Variants in CIZ1 observed in about 807,000 individuals in gnomAD.
CIZ1 encodes the protein CDKN1A interacting zinc finger protein 1, also known as cip1-interacting zinc finger protein.
Under a neutral mutation model 118.6 loss-of-function variants are expected in CIZ1, and 58 were observed. The observed-to-expected ratio is 0.49, with a 90% confidence interval of 0.40 to 0.61. CIZ1 has a LOEUF of 0.61. Among genes scored for constraint, CIZ1 ranks in the 20% least tolerant of loss-of-function variants. The probability of loss-of-function intolerance (pLI) is 0.00; values close to 1 mark genes in which losing one functional copy is unlikely to be tolerated. For missense variants in CIZ1, 921 were observed against 1,115.9 expected (o/e 0.83, Z 2.49); for synonymous variants, 448 against 443.4 (o/e 1.01, Z -0.13).
intron 4 of CIZ1, among the ~76,000 whole-genome samples, chr9:128,186,825 C>G (rs909705707): frequency 6.6e-6 from 1 of 152,176 alleles, no homozygotes; most frequent in Non-Finnish European, 1.5e-5. Flanking sequence ...TGACACCCTT[C>G]AGACCTCCCT....
chr9:128,203,055 T>G lies in CIZ1; in HGVS notation c.-6+1131A>C, dbSNP rs1443790587. 1 of 152,186 alleles carries G rather than the reference T, an allele frequency of 6.6e-6. No individual in the cohort carries two copies. The highest frequency in any genetic ancestry group is 2.4e-5 in the African/African-American group (1 of 41,440). The allele number at this position is 152,186 out of a possible 1,614,324, so 9.4% of individuals were successfully genotyped here. ...TCTGACCTCTGAGGTCAGGAGGCTG[T>G]GACCTCAGAGGAAGCCCATCTGCTC... On this transcript the variant is annotated intron_variant, in intron 1 of 17. Transcript: ENST00000372948. This position sits in a 1 kb window ranked among gnomAD's most constrained non-coding sequence, Gnocchi z 5.3.
chr9:128,166,365 A>G lies in CIZ1; in HGVS notation c.2529T>C (p.Pro843=). 6.4e-7 allele frequency: 1 copy of G among 1,559,636 alleles called. No homozygotes were observed. The change falls in exon 17 of 17, where the codon CCT becomes CCC. Residue 843 remains proline, a synonymous_variant. Transcript: ENST00000372938. The surrounding 1 kb of genome is among the most constrained non-coding windows in gnomAD (Gnocchi z 4.4). Reference sequence around the variant, plus strand: ...CGTTGATTGCGCACCGGCGGCTCACAGGTCGGGTGGTGGGGCTGGGGTTCT... The same window carrying G: ...CGTTGATTGCGCACCGGCGGCTCACGGGTCGGGTGGTGGGGCTGGGGTTCT... ...AAKNPSPTTR[P]VSRRCAINAR... is the part of the protein sequence containing the mutation.
upstream of CIZ1, among the ~76,000 whole-genome samples, chr9:128,196,484 T>C (rs1833379615): frequency 6.6e-6 from 1 of 150,846 alleles, no homozygotes; most frequent in African/African-American, 2.4e-5. Context: ...AGAGGTCAAG[T>C]CTACAGTGAG....
In CIZ1 at chr9:128,180,808, A is replaced by T; in HGVS notation, c.595T>A (p.Ser199Thr). ...TCTTCCACAGGCATTGTCTGAGAAG[A>T]AGAATCCTGCTTCCTTTCAGAAACT... The part of the protein sequence containing the change: ...SSTTPNRKDS[S>T]SQTMPVEDKS... The change falls in exon 6 of 17, where the codon TCT (serine) becomes ACT (threonine). Residue 199 changes from serine (S) to threonine (T), a missense_variant. Physicochemically the swap from Ser to Thr is moderately conservative, Grantham distance 58. Transcript: ENST00000372938. The T allele has an allele frequency of 6.2e-7, 1 of 1,609,514 alleles. No individual in the cohort carries two copies. Among genetic ancestry groups the T allele is most frequent in the Non-Finnish European group, 8.5e-7 (1 of 1,178,116 alleles).
intron 5 of CIZ1, among the ~76,000 whole-genome samples, chr9:128,184,637 C>T (rs1365044048): frequency 2.0e-5 from 3 of 151,890 alleles, no homozygotes; most frequent in Non-Finnish European, 2.9e-5. Flanking sequence ...GGATTACAGG[C>T]ATGCACTATC....
Position 128,169,490 on chromosome 9 carries a change from G to A in CIZ1, c.2061C>T (p.Cys687=), listed in dbSNP as rs760124075. ...TTTTGAAGTAGCGGTTGCAAACGGT[G>A]CAGAAGGGTCGCAAGGATTGTTTGG... ...KIAKQSLRPF[C]TVCNRYFKTP... is the part of the protein sequence containing the mutation. Residue 687 remains cysteine (C), a synonymous_variant, in exon 13 of 17, where the codon TGC becomes TGT. Transcript: ENST00000372938. The A allele has an allele frequency of 1.2e-6, 2 of 1,614,218 alleles. No homozygotes were observed. Among genetic ancestry groups the A allele is most frequent in the African/African-American group, 1.3e-5 (1 of 75,056 alleles).
At chr9:128,187,349 A>C (rs1477456759) in intron 4 of CIZ1, among the ~76,000 whole-genome samples, 1 of 152,236 alleles carries the variant, frequency 6.6e-6, no homozygotes, top group Non-Finnish European at 1.5e-5. Flanking sequence ...CTCTTGCCCC[A>C]GTGCTGGGAT....
intron 3 of CIZ1, among the ~76,000 whole-genome samples, chr9:128,189,650 T>A (rs1298409128): frequency 6.6e-6 from 1 of 151,240 alleles, no homozygotes; most frequent in Non-Finnish European, 1.5e-5. Context: ...GGAAACCCCG[T>A]CTCTACTAAA....
chr9:128,172,240 C>G (rs920689204), intron 11 of CIZ1, among the ~76,000 whole-genome samples: 1 of 151,918 alleles, frequency 6.6e-6, no homozygotes, highest in Non-Finnish European at 1.5e-5. Context: ...CGCCTGTAAT[C>G]CCAGCACTTT....
upstream of CIZ1, chr9:128,191,786 T>G (rs1413946603): frequency 5.6e-6 from 8 of 1,429,292 alleles, 1 homozygote; most frequent in Admixed American, 2.1e-4. This position sits in a 1 kb window ranked among gnomAD's most constrained non-coding sequence, Gnocchi z 5.5. Context: ...CCAAGGTCCG[T>G]CTGCCGCCCG....
At chr9:128,186,901 T>C (rs1832440426) in intron 4 of CIZ1, among the ~76,000 whole-genome samples, 2 of 151,702 alleles carry the variant, frequency 1.3e-5, no homozygotes, top group African/African-American at 4.8e-5. Context: ...TTCCAATTAT[T>C]CTAGGACGAG....
intron 14 of CIZ1, among the ~76,000 whole-genome samples, chr9:128,168,445 G>A (rs1829711498): frequency 1.3e-5 from 2 of 151,862 alleles, no homozygotes; most frequent in Admixed American, 1.3e-4. Context: ...GAACCCAGGA[G>A]GTGGAGGTTT....
intron 1 of CIZ1, among the ~76,000 whole-genome samples, chr9:128,202,276 C>T (rs1248649844): frequency 3.3e-5 from 5 of 152,188 alleles, no homozygotes; most frequent in African/African-American, 1.2e-4. Context: ...TGTAGGCTAG[C>T]CTTCCCTTCC....
At position 128,191,354 on chromosome 9, in the gene CIZ1, C is replaced by A; in HGVS notation, c.-6+78G>T. ...TCGCGCCCCACTCCGCCCGCTCCCA[C>A]CCCGCCAGCCGCCTCCTCCGCAGAC... On this transcript the variant is annotated intron_variant, in intron 1 of 16. Transcript: ENST00000372938. This position sits in a 1 kb window ranked among gnomAD's most constrained non-coding sequence, Gnocchi z 5.5. 1.9e-6 allele frequency: 1 copy of A among 539,248 alleles called. No individual in the cohort carries two copies. The highest frequency in any genetic ancestry group is 2.4e-6 in the Non-Finnish European group (1 of 418,620). The allele number at this position is 539,248 out of a possible 1,614,324, so 33.4% of individuals were successfully genotyped here. A position where few individuals can be genotyped will look rare whatever the true frequency, so the allele number is the denominator to read the frequency against.
chr9:128,180,769 G>A lies in CIZ1; in HGVS notation c.634C>T (p.Pro212Ser), dbSNP rs1374544735. 1.2e-6 allele frequency: 2 copies of A among 1,611,108 alleles called. No individual in the cohort carries two copies. The highest frequency in any genetic ancestry group is 1.1e-5 in the South Asian group (1 of 90,974). ...TMPVEDKSDPPEGSEEAAEPR... is the reference protein window; with the variant it reads ...TMPVEDKSDPSEGSEEAAEPR... ...TCTGCGGCTTCCTCAGACCCCTCTGGGGGGTCTGACTTGTCTTCCACAGGC... is the reference window on the plus strand; with the variant it reads ...TCTGCGGCTTCCTCAGACCCCTCTGAGGGGTCTGACTTGTCTTCCACAGGC... Residue 212 changes from proline to serine, a missense_variant, in exon 6 of 17, where the codon CCA (proline) becomes TCA (serine). By Grantham distance (74) the Pro-to-Ser change is moderately conservative. Coordinates refer to ENST00000372938, the MANE Select transcript of CIZ1 (RefSeq NM_001131016.2).
At chr9:128,187,163 C>T (rs1832485358) in intron 4 of CIZ1, among the ~76,000 whole-genome samples, 1 of 152,194 alleles carries the variant, frequency 6.6e-6, no homozygotes, top group African/African-American at 2.4e-5. Context: ...TGGTCTCAAA[C>T]TCCTGACCTC....
Position 128,203,759 on chromosome 9 carries a change from C to T in CIZ1, c.-6+427G>A. On this transcript the variant is annotated intron_variant, in intron 1 of 17. Coordinates refer to the CIZ1 transcript ENST00000372948. The surrounding 1 kb of genome is among the most constrained non-coding windows in gnomAD (Gnocchi z 5.3). ...GCACCCGCGGCCGGCGCGCCCCCCA[C>T]CCCCAGCCGGAGCGAGGAGGCCCTC... The T allele has an allele frequency of 1.1e-6, 1 of 872,206 alleles. No homozygotes were observed. The highest frequency in any genetic ancestry group is 1.5e-6 in the Non-Finnish European group (1 of 665,176). 54.0% of individuals were successfully genotyped at this position (872,206 alleles called of 1,614,324 possible). A position where few individuals can be genotyped will look rare whatever the true frequency, so the allele number is the denominator to read the frequency against.
Position 128,190,676 on chromosome 9 carries a change from A to C in CIZ1, c.170+12T>G. On this transcript the variant is annotated intron_variant, in intron 2 of 16. Transcript: ENST00000372938. ...CAAGGCTGAAGCCATCGCGCCCGAGAGGGGAACTCACCGGCTGACAGCCAT... is the reference window on the plus strand; with the variant it reads ...CAAGGCTGAAGCCATCGCGCCCGAGCGGGGAACTCACCGGCTGACAGCCAT... The C allele has an allele frequency of 1.3e-6, 2 of 1,550,566 alleles. No homozygotes were observed.
At position 128,176,283 on chromosome 9, in the gene CIZ1, T is replaced by G. The variant is rs1209123670; in HGVS notation, c.1943+68A>C. The G allele has an allele frequency of 1.2e-5, 19 of 1,576,634 alleles. No homozygotes were observed. The East Asian group carries it at 4.3e-4, about 36-fold the overall frequency. ...ACCCAAAGGTAAACCCTGCAGATGG[T>G]AGATTCAGGCCCTGGCCGATGAGAC... On this transcript the variant is annotated intron_variant, in intron 11 of 16. Coordinates refer to ENST00000372938, the MANE Select transcript of CIZ1 (RefSeq NM_001131016.2).
Sources: allele counts gnomAD v4.1 joint callset (sites outside exome capture counted in the v4.1 genomes callset), GRCh38; gene constraint gnomAD v4.1.1; non-coding constraint Gnocchi (gnomAD v3.1); transcripts MANE v1.5; gene names NCBI Gene and HGNC (gene_info 2026-07-23, HGNC 2026-07-21).